CDH23: variants seen among roughly 807,000 people sequenced by gnomAD.
The protein encoded by CDH23 is cadherin related 23, also known as cadherin-23.
In CDH23, 189 loss-of-function variants were observed where a neutral mutation model predicts 317.1. The ratio of observed to expected loss-of-function variants is 0.60; its 90% CI spans 0.53 to 0.67. The LOEUF (loss-of-function observed/expected upper bound fraction) is 0.67, where lower values mean the gene tolerates loss of function less well. Among genes scored for constraint, CDH23 ranks in the 30% least tolerant of loss-of-function variants. CDH23 has a pLI of 0.00. For synonymous variants in CDH23, 1,839 were observed against 1,876.8 expected (o/e 0.98, Z 0.52); for missense variants, 4,401 against 4,592.4 (o/e 0.96, Z 1.20).
chr10:71,809,025 G>T (rs1841827798), intron 60 of CDH23, among the ~76,000 whole-genome samples: 1 of 151,848 alleles, frequency 6.6e-6, no homozygotes, highest in South Asian at 2.1e-4. Flanking sequence ...ATAAATCAAG[G>T]CACATAGAGG....
chr10:71,524,276 G>GT (rs996552383), intron 6 of CDH23, among the ~76,000 whole-genome samples: 2 of 152,182 alleles, frequency 1.3e-5, no homozygotes, highest in African/African-American at 4.8e-5. Flanking sequence ...CAGCGGATTT[G>GT]TTGCAGGATG....
At chr10:71,807,250 T>A (rs1841758163) in intron 57 of CDH23, 27 bp from the exon 58 acceptor site, 2 of 1,609,910 alleles carry the variant, frequency 1.2e-6, no homozygotes, top group African/African-American at 2.7e-5. Flanking sequence ...CTTGGCCCCA[T>A]GTGATGACAT....
chr10:71,642,393 C>CTTTTTTTT (rs781291264), intron 11 of CDH23, among the ~76,000 whole-genome samples: 10 of 85,424 alleles, frequency 1.2e-4, no homozygotes, highest in Non-Finnish European at 1.9e-4. Flanking sequence ...GGCCCGGCCT[C>CTTTTTTTT]TTTTTTTTTT....
At chr10:71,699,388 A>G (rs1376072274) in intron 22 of CDH23, among the ~76,000 whole-genome samples, 2 of 152,208 alleles carry the variant, frequency 1.3e-5, no homozygotes, top group Non-Finnish European at 2.9e-5. Flanking sequence ...GCACAAGGCA[A>G]CCCCAGTGAT....
In CDH23 at chr10:71,398,753, AG is replaced by A; in HGVS notation, c.-6+1438del. ...ATAGCAAGGCTTGGTTCTGGCTGCC[AG>A]GGCTGGGGAGGGCAGGAAGGCAGAG... On this transcript the variant is annotated intron_variant, in intron 1 of 69. Transcript: ENST00000224721. Among the ~76,000 whole-genome samples, 4 of 152,166 alleles carry A rather than the reference AG, an allele frequency of 2.6e-5. No individual in the cohort carries two copies. The South Asian group carries it at 8.3e-4, about 32-fold the overall frequency.
chr10:71,537,657 C>T (rs1014223732), intron 6 of CDH23, among the ~76,000 whole-genome samples: 13 of 152,110 alleles, frequency 8.5e-5, no homozygotes, highest in Admixed American at 2.0e-4. Flanking sequence ...CCTGCCTGTC[C>T]CATCAGTCCA....
At chr10:71,713,545 C>T (rs773489759) in intron 28 of CDH23, 4 of 481,482 alleles carry the variant, frequency 8.3e-6, no homozygotes, top group East Asian at 3.8e-5. Context: ...GACCAGGAGG[C>T]GGGCAGGAAA....
intron 6 of CDH23, among the ~76,000 whole-genome samples, chr10:71,514,497 C>T (rs972745906): frequency 3.3e-5 from 5 of 152,100 alleles, no homozygotes; most frequent in African/African-American, 9.7e-5. Flanking sequence ...GAGTGGGAGG[C>T]GGTTCAAGGC....
intron 8 of CDH23, among the ~76,000 whole-genome samples, chr10:71,573,855 T>C (rs2132385827): frequency 6.6e-6 from 1 of 152,254 alleles, no homozygotes; most frequent in South Asian, 2.1e-4. Flanking sequence ...TGTCCACACA[T>C]CTCTGCCCTT....
At chr10:71,764,370 A>G (rs1245217011) in intron 38 of CDH23, among the ~76,000 whole-genome samples, 5 of 152,226 alleles carry the variant, frequency 3.3e-5, no homozygotes, top group Non-Finnish European at 7.3e-5. Context: ...TGCTAGAGCT[A>G]GAATTAAACT....
At chr10:71,799,391 C>A in intron 51 of CDH23, 101 bp from the exon 52 acceptor site, 2 of 1,602,178 alleles carry the variant, frequency 1.2e-6, no homozygotes, top group Non-Finnish European at 1.7e-6. Flanking sequence ...GAGTGCCCAG[C>A]CCACGAGCAG....
rs542102745 is a variant in CDH23 at position 71,581,904 on chromosome 10, C to G, written c.832+3912C>G. Among the ~76,000 whole-genome samples the G allele has an allele frequency of 1.4e-4, 22 of 152,338 alleles. No individual in the cohort carries two copies. In the East Asian group the frequency reaches 1.5e-3, roughly 11 times the overall value. ...TCAAGGGGCAGCTGCACTCACCCCCCCAACAGAGCACTGAACTTGGAGTCA... is the reference window on the plus strand; with the variant it reads ...TCAAGGGGCAGCTGCACTCACCCCCGCAACAGAGCACTGAACTTGGAGTCA... On this transcript the variant is annotated intron_variant, in intron 9 of 69. Coordinates refer to ENST00000224721, the MANE Select transcript of CDH23 (RefSeq NM_022124.6).
intron 3 of CDH23, among the ~76,000 whole-genome samples, chr10:71,473,124 G>A (rs576653023): frequency 1.1e-3 from 169 of 152,292 alleles, no homozygotes; most frequent in Non-Finnish European, 2.0e-3. Flanking sequence ...TGGTCACTTG[G>A]CAATAGCACA....
At chr10:71,462,876 G>A (rs1253604243) in intron 3 of CDH23, among the ~76,000 whole-genome samples, 1 of 152,210 alleles carries the variant, frequency 6.6e-6, no homozygotes, top group Non-Finnish European at 1.5e-5. Flanking sequence ...TCAGACACAG[G>A]CAACCAGAAG....
intron 3 of CDH23, among the ~76,000 whole-genome samples, chr10:71,454,892 T>A (rs1589332536): frequency 6.6e-6 from 1 of 150,458 alleles, no homozygotes; most frequent in South Asian, 2.1e-4. Flanking sequence ...CAGGCTGGAG[T>A]GCAGTGGCGC....
intron 38 of CDH23, among the ~76,000 whole-genome samples, chr10:71,754,797 A>G (rs7908979): frequency 0.26 from 39,422 of 152,106 alleles, 5,507 homozygotes; most frequent in Middle Eastern, 0.38. Flanking sequence ...CCCTGGAAAG[A>G]GCATGCGTTG....
At chr10:71,510,916 G>A (rs753235404) in intron 4 of CDH23, 38 bp from the exon 5 acceptor site, 30 of 1,612,190 alleles carry the variant, frequency 1.9e-5, no homozygotes, top group East Asian at 2.2e-5. Context: ...CCTCAGCACC[G>A]CCTAACTGCC....
intron 14 of CDH23, among the ~76,000 whole-genome samples, chr10:71,662,177 G>T (rs369446021): frequency 6.6e-6 from 1 of 152,052 alleles, no homozygotes; most frequent in African/African-American, 2.4e-5. Flanking sequence ...GCGAGCAATC[G>T]TGTGGGTATT....
At chr10:71,781,713 G>A (rs1185714544) in intron 41 of CDH23, among the ~76,000 whole-genome samples, 1 of 152,228 alleles carries the variant, frequency 6.6e-6, no homozygotes, top group Non-Finnish European at 1.5e-5. Context: ...TCTCAAAGGA[G>A]TGAGAGACGC....
Sources: gnomAD v4.1 joint callset for allele counts (sites outside exome capture counted in the v4.1 genomes callset) on GRCh38, gnomAD v4.1.1 for gene constraint, MANE v1.5 for transcripts, NCBI Gene and HGNC (gene_info 2026-07-23, HGNC 2026-07-21) for gene names.